Variants in CADM2 observed in about 807,000 individuals in gnomAD.
CADM2 encodes cell adhesion molecule 2, also known as immunoglobulin superfamily member 4D.
In CADM2, 12 loss-of-function variants were observed where a neutral mutation model predicts 49.8. That is an observed-to-expected ratio of 0.24 (90% CI 0.15 to 0.39). The LOEUF (loss-of-function observed/expected upper bound fraction) is 0.39. CADM2 is among the 10% of genes least tolerant of loss of function. The pLI, the probability that CADM2 is intolerant of heterozygous loss-of-function variation, is 1.00. For synonymous variants in CADM2, 214 were observed against 175.4 expected (o/e 1.22, Z -1.74); for missense variants, 378 against 492.3 (o/e 0.77, Z 2.20).
intron 1 of CADM2, among the ~76,000 whole-genome samples, chr3:85,311,361 ATAT>A (rs1425176733): frequency 1.4e-5 from 2 of 145,196 alleles, no homozygotes; most frequent in African/African-American, 5.4e-5. Flanking sequence ...TTATTTATTT[ATAT>A]TTATTATTAT....
chr3:85,301,242 G>T (rs935492957), intron 1 of CADM2, among the ~76,000 whole-genome samples: 1 of 152,086 alleles, frequency 6.6e-6, no homozygotes, highest in East Asian at 1.9e-4. Flanking sequence ...CTTGCCAATT[G>T]AGAGGAGACC....
intron 1 of CADM2, among the ~76,000 whole-genome samples, chr3:85,387,711 TGTA>T (rs1355689589): frequency 2.6e-5 from 4 of 152,190 alleles, no homozygotes; most frequent in Non-Finnish European, 4.4e-5. Context: ...TTGAAATATA[TGTA>T]GTATTATTTA....
intron 1 of CADM2, among the ~76,000 whole-genome samples, chr3:85,038,932 T>C (rs541661650): frequency 1.3e-5 from 2 of 152,340 alleles, no homozygotes; most frequent in Non-Finnish European, 2.9e-5. Flanking sequence ...CCATACTGAA[T>C]GGAGGAGTTT....
rs183194084 is a variant in CADM2, at chr3:85,619,890, C to G, written c.62-106632C>G. 3.0e-3 allele frequency among the ~76,000 whole-genome samples: 461 copies of G among 152,262 alleles called. 1 individual carries two copies. Among genetic ancestry groups the G allele is most frequent in the Non-Finnish European group, 4.1e-3 (278 of 68,012 alleles). The stretch of plus-strand genomic sequence containing the variant: ...GCAAAGAGAATTTGTAATTAAACCT[C>G]CAAAATCCCAGCCTGTCAGAAGTTC... On this transcript the variant is annotated intron_variant, in intron 1 of 9. Coordinates refer to ENST00000383699, the MANE Select transcript of CADM2 (RefSeq NM_001167675.2).
chr3:85,413,952 C>T (rs2035795611), intron 1 of CADM2, among the ~76,000 whole-genome samples: 1 of 152,120 alleles, frequency 6.6e-6, no homozygotes, highest in Admixed American at 6.5e-5. Flanking sequence ...GCAACCTCTG[C>T]CTCCAGGGTT....
chr3:85,796,350 G>A (rs1055022900), intron 2 of CADM2, among the ~76,000 whole-genome samples: 4 of 151,782 alleles, frequency 2.6e-5, no homozygotes, highest in African/African-American at 4.8e-5. Context: ...GTGGTTTTTC[G>A]CCTCACCTCA....
intron 1 of CADM2, among the ~76,000 whole-genome samples, chr3:85,121,396 G>A (rs531138745): frequency 1.3e-5 from 2 of 152,282 alleles, no homozygotes; most frequent in South Asian, 4.1e-4. Flanking sequence ...ATTCCTGTAT[G>A]TCTCCAGGGA....
At chr3:85,532,482 G>A (rs1336269030) in intron 1 of CADM2, among the ~76,000 whole-genome samples, 1 of 151,850 alleles carries the variant, frequency 6.6e-6, no homozygotes, top group African/African-American at 2.4e-5. Flanking sequence ...ATCACTATTT[G>A]TGAGCTACAG....
intron 2 of CADM2, among the ~76,000 whole-genome samples, chr3:85,764,333 G>T (rs935811548): frequency 2.0e-5 from 3 of 151,982 alleles, no homozygotes; most frequent in South Asian, 2.1e-4. Context: ...CAATTAAAAA[G>T]AATTATCAAT....
intron 5 of CADM2, 58 bp downstream of exon 5, chr3:85,886,385 A>AC: frequency 7.7e-7 from 1 of 1,297,224 alleles, no homozygotes; most frequent in Non-Finnish European, 1.1e-6. Flanking sequence ...ATGACATGTT[A>AC]AGAAAAAGGC....
chr3:85,861,602 C>A (rs1305696486), intron 3 of CADM2, among the ~76,000 whole-genome samples: 1 of 152,022 alleles, frequency 6.6e-6, no homozygotes, highest in Non-Finnish European at 1.5e-5. Flanking sequence ...GCTGCAGATA[C>A]AAATTTTTGA....
chr3:85,679,347 C>A (rs1373680751), intron 1 of CADM2, among the ~76,000 whole-genome samples: 1 of 151,854 alleles, frequency 6.6e-6, no homozygotes. Context: ...GGATAAAAAC[C>A]AGGGGGAATG....
At chr3:85,465,206 T>C (rs1459981739) in intron 1 of CADM2, among the ~76,000 whole-genome samples, 1 of 152,054 alleles carries the variant, frequency 6.6e-6, no homozygotes, top group Non-Finnish European at 1.5e-5. Context: ...AAACATACTT[T>C]TGTGTGCGTA....
At chr3:86,027,653 A>G (rs1042871085) in intron 8 of CADM2, among the ~76,000 whole-genome samples, 18 of 152,210 alleles carry the variant, frequency 1.2e-4, no homozygotes, top group African/African-American at 4.3e-4. Context: ...ATACTGGAGG[A>G]TAAGAGTTAT....
At chr3:85,787,153 C>A (rs1046778252) in intron 2 of CADM2, among the ~76,000 whole-genome samples, 2 of 151,876 alleles carry the variant, frequency 1.3e-5, no homozygotes, top group African/African-American at 4.8e-5. Context: ...AGGAACTTAC[C>A]AAGCCAATGC....
intron 1 of CADM2, among the ~76,000 whole-genome samples, chr3:85,572,966 C>G (rs914763592): frequency 1.3e-5 from 2 of 151,936 alleles, no homozygotes; most frequent in African/African-American, 4.8e-5. Flanking sequence ...AAGTTAACAC[C>G]TAAAATTAAC....
At chr3:85,953,533 A>C (rs1723696515) in intron 7 of CADM2, among the ~76,000 whole-genome samples, 3 of 150,908 alleles carry the variant, frequency 2.0e-5, no homozygotes, top group Admixed American at 6.6e-5. Context: ...CACCGTAATC[A>C]AGAGTTTTAT....
chr3:85,926,587 A>G (rs188228894), intron 6 of CADM2, among the ~76,000 whole-genome samples: 1 of 152,330 alleles, frequency 6.6e-6, no homozygotes, highest in African/African-American at 2.4e-5. Flanking sequence ...AAAGATTCAC[A>G]AGTCTTTCAT....
intron 1 of CADM2, among the ~76,000 whole-genome samples, chr3:85,100,737 T>C (rs765836166): frequency 6.6e-6 from 1 of 152,230 alleles, no homozygotes; most frequent in Non-Finnish European, 1.5e-5. Flanking sequence ...ATAAGAATTA[T>C]CACAGATAAA....
Sources: allele counts gnomAD v4.1 joint callset (sites outside exome capture counted in the v4.1 genomes callset), GRCh38; gene constraint gnomAD v4.1.1; transcripts MANE v1.5; gene names NCBI Gene and HGNC (gene_info 2026-07-23, HGNC 2026-07-21).